Variants in IL1R2 observed in about 807,000 individuals in gnomAD.
IL1R2 encodes interleukin 1 receptor type 2, also known as interleukin-1 receptor type 2.
A neutral mutation model predicts 39.5 loss-of-function variants in IL1R2; 46 were observed. The ratio of observed to expected loss-of-function variants is 1.16; its 90% CI spans 0.92 to 1.49. IL1R2 has a LOEUF of 1.49. Among genes scored for constraint, IL1R2 ranks in the 40% most tolerant of loss-of-function variants. The probability of loss-of-function intolerance (pLI) is 0.00; values close to 1 mark genes in which losing one functional copy is unlikely to be tolerated. For synonymous variants in IL1R2, 207 were observed against 189.6 expected (o/e 1.09, Z -0.75); for missense variants, 537 against 502.0 (o/e 1.07, Z -0.67).
At chr2:102,009,538 G>T in intron 2 of IL1R2, 24 bp from the exon 3 acceptor site, 2 of 1,609,610 alleles carry the variant, frequency 1.2e-6, no homozygotes, top group South Asian at 2.2e-5. Context: ...CCCAAAGCCT[G>T]ACCATGGGCT....
In IL1R2 at chr2:102,008,617, C is replaced by T; in HGVS notation, c.42C>T (p.Phe14=). 6.2e-7 allele frequency: 1 copy of T among 1,614,110 alleles called. No homozygotes were observed. Among genetic ancestry groups the T allele is most frequent in the Non-Finnish European group, 8.5e-7 (1 of 1,179,956 alleles). ...LYVLVMGVSA[F]TLQPAAHTGA... is the part of the protein sequence containing the mutation. ...TGTTGGTAATGGGAGTTTCTGCCTTCACCCTTCAGCCTGCGGCACACACAG... is the reference window on the plus strand; with the variant it reads ...TGTTGGTAATGGGAGTTTCTGCCTTTACCCTTCAGCCTGCGGCACACACAG... Residue 14 remains phenylalanine (F), a synonymous_variant, in exon 2 of 9, where the codon TTC becomes TTT. Coordinates refer to ENST00000332549, the MANE Select transcript of IL1R2 (RefSeq NM_004633.4).
At chr2:102,026,025 A>G (rs1677724087) in intron 7 of IL1R2, 86 bp from the exon 8 acceptor site, 3 of 1,070,490 alleles carry the variant, frequency 2.8e-6, no homozygotes, top group Admixed American at 2.3e-5. Flanking sequence ...GGGTACTTCT[A>G]AAGGAGAGTG....
chr2:102,009,974 C>A (rs79249989), intron 3 of IL1R2, 148 bp downstream of exon 3: 2 of 734,720 alleles, frequency 2.7e-6, no homozygotes, highest in Non-Finnish European at 4.3e-6. Context: ...GTTCCTGACA[C>A]CCCCCCCAAC....
At chr2:102,001,592 C>T (rs979319420) in intron 1 of IL1R2, among the ~76,000 whole-genome samples, 2 of 152,176 alleles carry the variant, frequency 1.3e-5, no homozygotes, top group African/African-American at 4.8e-5. Flanking sequence ...AAAGCAGTTT[C>T]TGGACAACTC....
chr2:101,999,387 T>C (rs183827444), intron 1 of IL1R2, among the ~76,000 whole-genome samples: 42 of 152,364 alleles, frequency 2.8e-4, no homozygotes, highest in Admixed American at 2.7e-3. Flanking sequence ...ATCCAGCAGG[T>C]AGCCCAGCAG....
At chr2:102,002,438 C>CCTAT (rs771058722) in intron 1 of IL1R2, among the ~76,000 whole-genome samples, 3 of 102,888 alleles carry the variant, frequency 2.9e-5, no homozygotes, top group African/African-American at 1.3e-4. Context: ...GACTTTGTCC[C>CCTAT]CTATCTGTGT....
intron 5 of IL1R2, among the ~76,000 whole-genome samples, chr2:102,020,323 T>C (rs1442214552): frequency 1.3e-5 from 2 of 152,198 alleles, no homozygotes; most frequent in South Asian, 4.1e-4. Context: ...AGAGCTGCCA[T>C]TGATTAAAAG....
At chr2:102,014,437 C>T (rs757615966) in intron 3 of IL1R2, among the ~76,000 whole-genome samples, 46 of 152,184 alleles carry the variant, frequency 3.0e-4, no homozygotes, top group Admixed American at 1.5e-3. Flanking sequence ...TAGATTTGTC[C>T]TCAGTTGCCT....
intron 5 of IL1R2, among the ~76,000 whole-genome samples, chr2:102,021,356 C>T (rs1677386500): frequency 6.7e-6 from 1 of 149,452 alleles, no homozygotes; most frequent in Non-Finnish European, 1.5e-5. Context: ...CGCTCTGCCA[C>T]CCAGGCTGGA....
chr2:102,000,286 T>C (rs1314862394), intron 1 of IL1R2, among the ~76,000 whole-genome samples: 1 of 152,226 alleles, frequency 6.6e-6, no homozygotes, highest in African/African-American at 2.4e-5. Context: ...CACCAGGGTA[T>C]GCCCATTTCA....
At chr2:101,992,602 T>G (rs1199574916) in intron 1 of IL1R2, among the ~76,000 whole-genome samples, 1,042 of 31,448 alleles carry the variant, frequency 0.033, no homozygotes, top group Middle Eastern at 0.043. Flanking sequence ...CAGACAGAGA[T>G]AGAGGGAGAC....
chr2:102,021,379 G>C (rs974894123), intron 5 of IL1R2, among the ~76,000 whole-genome samples: 1 of 149,296 alleles, frequency 6.7e-6, no homozygotes, highest in Non-Finnish European at 1.5e-5. Context: ...GCAATGGCGC[G>C]ATCTCGGCTC....
chr2:102,021,310 T>C (rs533739451), intron 5 of IL1R2, among the ~76,000 whole-genome samples: 15 of 149,560 alleles, frequency 1.0e-4, no homozygotes, highest in South Asian at 2.1e-4. Flanking sequence ...CTTTTCTTTT[T>C]TTTTTTTTTT....
chr2:101,999,086 G>A (rs1053260814), intron 1 of IL1R2: 1 of 152,344 alleles, frequency 6.6e-6, no homozygotes, highest in Non-Finnish European at 1.5e-5. Context: ...AACAGAAAGA[G>A]CTTCTGAAGG....
chr2:102,019,768 G>A lies in IL1R2; in HGVS notation c.644G>A (p.Gly215Asp). Residue 215 changes from glycine (G) to aspartate (D), a missense_variant, in exon 5 of 9, where the codon GGC becomes GAC. Transcript: ENST00000332549. ...YRCVLTFAHE[G>D]QQYNITRSIE... ...TGTGTCCTGACATTTGCCCATGAAG[G>A]CCAGCAATACAACATCACTAGGAGT... 2 of 1,614,152 alleles carry A rather than the reference G, an allele frequency of 1.2e-6. No homozygotes were observed. The highest frequency in any genetic ancestry group is 1.7e-6 in the Non-Finnish European group (2 of 1,180,016).
At chr2:102,027,666 G>A (rs1269241765) in intron 8 of IL1R2, among the ~76,000 whole-genome samples, 1 of 152,166 alleles carries the variant, frequency 6.6e-6, no homozygotes, top group Non-Finnish European at 1.5e-5. Flanking sequence ...TCAACAATGT[G>A]TCTGATAACA....
At chr2:102,021,974 C>T in intron 5 of IL1R2, 4 of 553,982 alleles carry the variant, frequency 7.2e-6, no homozygotes, top group Non-Finnish European at 1.3e-5. Context: ...TTGGCTGTGG[C>T]CTCTTCCAGT....
chr2:101,995,490 AC>A (rs1256831022), intron 1 of IL1R2, among the ~76,000 whole-genome samples: 2 of 152,172 alleles, frequency 1.3e-5, no homozygotes, highest in Non-Finnish European at 2.9e-5. Flanking sequence ...CACAGCCCAA[AC>A]GATACCTTGA....
chr2:102,022,284 T>G (rs771844597), intron 6 of IL1R2, 35 bp downstream of exon 6: 1 of 1,559,448 alleles, frequency 6.4e-7, no homozygotes, highest in South Asian at 1.1e-5. Context: ...TCCACGCACC[T>G]GTGGGGGTGC....
Sources: allele counts gnomAD v4.1 joint callset (sites outside exome capture counted in the v4.1 genomes callset), GRCh38; gene constraint gnomAD v4.1.1; transcripts MANE v1.5; gene names NCBI Gene and HGNC (gene_info 2026-07-23, HGNC 2026-07-21).